The following ATP8B4 variants were observed in gnomAD, a reference collection of about 807,000 sequenced individuals.
ATP8B4 encodes probable phospholipid-transporting ATPase IM.
Under a neutral mutation model 145.6 loss-of-function variants are expected in ATP8B4, and 133 were observed. The observed-to-expected ratio is 0.91, with a 90% confidence interval of 0.79 to 1.05. The LOEUF is 1.05. ATP8B4 is among the 50% of genes least tolerant of loss of function. ATP8B4 has a pLI of 0.00. For synonymous variants in ATP8B4, 507 were observed against 492.9 expected (o/e 1.03, Z -0.38); for missense variants, 1,458 against 1,425.2 (o/e 1.02, Z -0.37).
chr15:49,999,568 C>T (rs1405578824), intron 8 of ATP8B4, among the ~76,000 whole-genome samples: 1 of 151,948 alleles, frequency 6.6e-6, no homozygotes, highest in Non-Finnish European at 1.5e-5. Flanking sequence ...AAAGTATTTT[C>T]CAGGACTCCT....
At position 49,860,462 on chromosome 15, in the gene ATP8B4, T is replaced by A. The variant is rs778906441; in HGVS notation, c.3311A>T (p.Gln1104Leu). 1 of 1,610,676 alleles carries A rather than the reference T, an allele frequency of 6.2e-7. No individual in the cohort carries two copies. Among genetic ancestry groups the A allele is most frequent in the Admixed American group, 1.7e-5 (1 of 59,444 alleles). ...AGGCCTTGCCTTCTTTTGAGCCTTC[T>A]GCCACCGGCGGATCTGGAGAGAAAC... ...PTLSDQIRRW[Q>L]KAQKKARPPS... Residue 1104 changes from glutamine to leucine, a missense_variant, in exon 28 of 28, where the codon CAG (glutamine) becomes CTG (leucine). Physicochemically the swap from Gln to Leu is moderately radical, Grantham distance 113 (BLOSUM62 -2). Transcript: ENST00000284509.
intron 3 of ATP8B4, among the ~76,000 whole-genome samples, chr15:50,063,489 T>G (rs2053172385): frequency 6.6e-6 from 1 of 152,108 alleles, no homozygotes; most frequent in South Asian, 2.1e-4. Context: ...AGGAATAGTT[T>G]AATGACAGAG....
chr15:50,145,936 TGAGA>T (rs1451555767), intron 1 of ATP8B4, among the ~76,000 whole-genome samples: 3 of 151,762 alleles, frequency 2.0e-5, no homozygotes, highest in African/African-American at 7.3e-5. Context: ...TGAAAATGAA[TGAGA>T]AAGATGGAAA....
intron 5 of ATP8B4, among the ~76,000 whole-genome samples, chr15:50,044,012 A>G (rs1279888537): frequency 6.6e-6 from 1 of 152,018 alleles, no homozygotes; most frequent in Non-Finnish European, 1.5e-5. Context: ...CATACAAAAT[A>G]TGTGTTAATC....
rs138210345 is a variant in ATP8B4 at position 49,888,975 on chromosome 15, T to A, written c.2697+8317A>T. 2.0e-3 allele frequency among the ~76,000 whole-genome samples: 303 copies of A among 152,244 alleles called. 1 individual carries two copies. Among genetic ancestry groups the A allele is most frequent in the African/African-American group, 6.7e-3 (280 of 41,530 alleles). Reference sequence around the variant, plus strand: ...TCTAAGCTATGACACACCCCGCAAGTCATGAGGTCTCTTTCAATAGAGAGC... The same window carrying A: ...TCTAAGCTATGACACACCCCGCAAGACATGAGGTCTCTTTCAATAGAGAGC... On this transcript the variant is annotated intron_variant, in intron 23 of 27. Transcript: ENST00000284509.
chr15:50,165,241 T>C (rs769570852), intron 1 of ATP8B4, among the ~76,000 whole-genome samples: 49 of 152,002 alleles, frequency 3.2e-4, no homozygotes, highest in Admixed American at 2.5e-3. Context: ...TTAGTAGAGA[T>C]GGGGTTTTAC....
chr15:50,037,113 T>C (rs770029947), intron 6 of ATP8B4, among the ~76,000 whole-genome samples: 2 of 152,190 alleles, frequency 1.3e-5, no homozygotes, highest in Non-Finnish European at 2.9e-5. Flanking sequence ...GGCCCCAACG[T>C]CTATCACAAT....
At chr15:50,072,955 T>G (rs2053867303) in intron 3 of ATP8B4, among the ~76,000 whole-genome samples, 1 of 30,834 alleles carries the variant, frequency 3.2e-5, no homozygotes, top group Non-Finnish European at 5.7e-5. Context: ...TCTCTCTCTC[T>G]CTCTCTCTCT....
chr15:50,139,827 G>A (rs2044182234), intron 1 of ATP8B4, among the ~76,000 whole-genome samples: 1 of 152,186 alleles, frequency 6.6e-6, no homozygotes, highest in African/African-American at 2.4e-5. Flanking sequence ...ATTTTTGTTA[G>A]AGATCACATT....
intron 2 of ATP8B4, among the ~76,000 whole-genome samples, chr15:50,085,967 A>ATTTATATATATTTATT (rs1567331459): frequency 1.2e-5 from 1 of 84,398 alleles, no homozygotes; most frequent in African/African-American, 6.7e-5. Context: ...ATATATTTAT[A>ATTTATATATATTTATT]TATGATATAT....
chr15:50,046,477 T>C (rs144281288), intron 4 of ATP8B4, among the ~76,000 whole-genome samples: 3 of 152,232 alleles, frequency 2.0e-5, no homozygotes, highest in African/African-American at 7.2e-5. Flanking sequence ...AATCCAGTAA[T>C]ACCTGAAATG....
Position 49,862,357 on chromosome 15 carries a change from A to G in ATP8B4, c.3185T>C (p.Leu1062Pro), listed in dbSNP as rs760521345. Residue 1062 changes from leucine to proline, a missense_variant, in exon 27 of 28, where the codon CTG becomes CCG. Leu to Pro is a moderately conservative substitution (Grantham distance 98). Transcript: ENST00000284509. ...TACAAGCCAGATGCACTTCTGGGTCAGGGAATGTCGTGCATTACCTATCAA... is the reference window on the plus strand; with the variant it reads ...TACAAGCCAGATGCACTTCTGGGTCGGGGAATGTCGTGCATTACCTATCAA... ...FPFVGNARHS[L>P]TQKCIWLVIL... 9.3e-6 allele frequency: 15 copies of G among 1,613,552 alleles called. No homozygotes were observed. Among genetic ancestry groups the G allele is most frequent in the African/African-American group, 8.0e-5 (6 of 74,928 alleles).
intron 24 of ATP8B4, among the ~76,000 whole-genome samples, 184 bp downstream of exon 24, chr15:49,879,192 A>G (rs1176490817): frequency 6.6e-6 from 1 of 152,112 alleles, no homozygotes. Flanking sequence ...GCTTTTGGGG[A>G]AGCTAGGGTA....
intron 2 of ATP8B4, among the ~76,000 whole-genome samples, chr15:50,096,938 T>C (rs1318337888): frequency 2.0e-5 from 3 of 152,174 alleles, no homozygotes; most frequent in South Asian, 2.1e-4. Flanking sequence ...GTCTTATGTA[T>C]GTCACTCGCT....
intron 8 of ATP8B4, among the ~76,000 whole-genome samples, 177 bp from the exon 9 acceptor site, chr15:49,996,936 G>A (rs749008524): frequency 1.3e-5 from 2 of 152,068 alleles, no homozygotes; most frequent in Non-Finnish European, 2.9e-5. Context: ...GGGCTTCTTG[G>A]GCTCCAAAGA....
chr15:50,043,629 A>G (rs544101062), intron 5 of ATP8B4, among the ~76,000 whole-genome samples: 1 of 152,068 alleles, frequency 6.6e-6, no homozygotes, highest in Non-Finnish European at 1.5e-5. Context: ...TCTTAATAAC[A>G]TTTTCTTTTC....
At chr15:49,936,978 C>T (rs888192635) in intron 14 of ATP8B4, among the ~76,000 whole-genome samples, 6 of 151,714 alleles carry the variant, frequency 4.0e-5, no homozygotes. Context: ...CTCTCCAGAG[C>T]ATCTTGTTCT....
intron 14 of ATP8B4, among the ~76,000 whole-genome samples, chr15:49,940,521 C>T (rs2153476414): frequency 6.6e-6 from 1 of 152,206 alleles, no homozygotes; most frequent in Non-Finnish European, 1.5e-5. Flanking sequence ...TGTAACAAAC[C>T]TGCACAAGTA....
Position 49,934,100 on chromosome 15 carries a change from A to C in ATP8B4, c.1370T>G (p.Ile457Ser), listed in dbSNP as rs1312679740. The change falls in exon 15 of 28, where the codon ATT becomes AGT. Residue 457 changes from isoleucine to serine, a missense_variant. Coordinates refer to ENST00000284509, the MANE Select transcript of ATP8B4 (RefSeq NM_024837.4). ...QFFDHHLMESIKMGDPKVHEF... is the reference protein window; with the variant it reads ...QFFDHHLMESSKMGDPKVHEF... ...ATGAACTTTGGGATCACCCATTTTA[A>C]TGGATTCCATCAGATGGTGGTCAAA... The C allele has an allele frequency of 6.2e-7, 1 of 1,612,930 alleles. No homozygotes were observed. Among genetic ancestry groups the C allele is most frequent in the Non-Finnish European group, 8.5e-7 (1 of 1,179,280 alleles).
Sources: allele counts gnomAD v4.1 joint callset (sites outside exome capture counted in the v4.1 genomes callset), GRCh38; gene constraint gnomAD v4.1.1; transcripts MANE v1.5; gene names NCBI Gene and HGNC (gene_info 2026-07-23, HGNC 2026-07-21).